Variants in VPS26A observed in about 807,000 individuals in gnomAD.
The protein encoded by VPS26A is vacuolar protein sorting-associated protein 26A.
Under a neutral mutation model 42.4 loss-of-function variants are expected in VPS26A, and 22 were observed. The observed-to-expected ratio is 0.52, with a 90% confidence interval of 0.37 to 0.74. The LOEUF (loss-of-function observed/expected upper bound fraction) is 0.74, where lower values mean the gene tolerates loss of function less well. Ranked by LOEUF, VPS26A falls within the 30% of genes least tolerant of loss-of-function variation. The probability of loss-of-function intolerance (pLI) is 0.00; values close to 1 mark genes in which losing one functional copy is unlikely to be tolerated. For missense variants in VPS26A, 276 were observed against 379.2 expected (o/e 0.73, Z 2.26); for synonymous variants, 110 against 123.5 (o/e 0.89, Z 0.73).
chr10:69,162,977 T>A (rs1177913303), intron 6 of VPS26A, among the ~76,000 whole-genome samples: 2 of 146,034 alleles, frequency 1.4e-5, no homozygotes, highest in African/African-American at 4.9e-5. Flanking sequence ...AATTAGTTAT[T>A]ATGTATACAA....
intron 7 of VPS26A, 145 bp downstream of exon 7, chr10:69,166,255 C>G (rs572994673): frequency 1.4e-6 from 1 of 713,982 alleles, no homozygotes; most frequent in African/African-American, 1.8e-5. Context: ...CTTTGTACAG[C>G]TGCAAAGAAG....
At chr10:69,138,753 T>C (rs1252851070) in intron 2 of VPS26A, among the ~76,000 whole-genome samples, 1 of 152,236 alleles carries the variant, frequency 6.6e-6, no homozygotes, top group African/African-American at 2.4e-5. Context: ...TAACCTCTTA[T>C]GTTACATGTA....
rs946431347 is a variant in VPS26A, at chr10:69,174,090, C to T, written c.*2821C>T. On this transcript the variant is annotated 3_prime_UTR_variant, in exon 9 of 9. Coordinates refer to ENST00000263559, the MANE Select transcript of VPS26A (RefSeq NM_004896.5). ...CCCCCCAGCCAGCAGCGGCAACCGG[C>T]TCGGGTCCCCCTCCATACTGTGGAA... Among the ~76,000 whole-genome samples, 15 of 152,222 alleles carry T rather than the reference C, an allele frequency of 9.9e-5. No homozygotes were observed. The highest frequency in any genetic ancestry group is 3.6e-4 in the African/African-American group (15 of 41,460).
intron 3 of VPS26A, 106 bp from the exon 4 acceptor site, chr10:69,156,901 C>T (rs900012934): frequency 1.9e-6 from 2 of 1,063,506 alleles, no homozygotes; most frequent in African/African-American, 1.6e-5. Flanking sequence ...TAGAGACAAA[C>T]TCAATAATTC....
intron 2 of VPS26A, chr10:69,133,431 T>G: frequency 1.7e-6 from 1 of 587,186 alleles, no homozygotes; most frequent in South Asian, 2.3e-5. Flanking sequence ...AGTTAGAGAT[T>G]GAGAGTAATT....
intron 7 of VPS26A, 124 bp from the exon 8 acceptor site, chr10:69,168,365 T>G (rs1483363274): frequency 1.8e-6 from 2 of 1,083,506 alleles, no homozygotes; most frequent in African/African-American, 3.2e-5. Context: ...AACCCTGGTC[T>G]TTGTTATTTT....
Position 69,174,137 on chromosome 10 carries a change from C to T in VPS26A, c.*2868C>T, listed in dbSNP as rs1007329634. On this transcript the variant is annotated 3_prime_UTR_variant, in exon 9 of 9. Transcript: ENST00000263559. ...GGAAGCTCTGTTCTTTCACTCTTCA[C>T]GATACATCTTGCTGCTGCTCACTCT... 2.0e-4 allele frequency among the ~76,000 whole-genome samples: 31 copies of T among 152,226 alleles called. No individual in the cohort carries two copies. The highest frequency in any genetic ancestry group is 3.4e-4 in the Non-Finnish European group (23 of 68,038).
At position 69,172,277 on chromosome 10, in the gene VPS26A, T is replaced by C. The variant is rs1287096794; in HGVS notation, c.*1008T>C. 6.6e-6 allele frequency: 1 copy of C among 152,202 alleles called. No individual in the cohort carries two copies. Among genetic ancestry groups the C allele is most frequent in the Non-Finnish European group, 1.5e-5 (1 of 68,020 alleles). The allele number at this position is 152,202 out of a possible 1,614,324, so 9.4% of individuals were successfully genotyped here. ...CGAACTTTGGCTAGTTAAACTCATATTGAAACTTCATCTAGTCTCTTAATT... is the reference window on the plus strand; with the variant it reads ...CGAACTTTGGCTAGTTAAACTCATACTGAAACTTCATCTAGTCTCTTAATT... On this transcript the variant is annotated 3_prime_UTR_variant, in exon 9 of 9. Transcript: ENST00000263559.
rs576703903 is a variant in VPS26A at position 69,151,031 on chromosome 10, C to T, written c.154-4781C>T. Among the ~76,000 whole-genome samples, 10 of 151,390 alleles carry T rather than the reference C, an allele frequency of 6.6e-5. No individual in the cohort carries two copies. In the East Asian group the frequency reaches 1.8e-3, roughly 27 times the overall value. ...CTGTAATCCCAGCACTTTGGGAGGC[C>T]GAGGCAGGCAGATCAAGAGGTCAGG... On this transcript the variant is annotated intron_variant, in intron 2 of 8. Transcript: ENST00000263559.
chr10:69,156,345 T>G (rs1204977661), intron 3 of VPS26A, among the ~76,000 whole-genome samples: 1 of 152,062 alleles, frequency 6.6e-6, no homozygotes, highest in African/African-American at 2.4e-5. Context: ...GATCAACTTA[T>G]GTACATTTCC....
rs183608846 is a variant in VPS26A, at chr10:69,174,111, T to C, written c.*2842T>C. Among the ~76,000 whole-genome samples the C allele has an allele frequency of 2.8e-4, 43 of 152,318 alleles. 1 individual carries two copies. The East Asian group carries it at 6.4e-3, about 23-fold the overall frequency. On this transcript the variant is annotated 3_prime_UTR_variant, in exon 9 of 9. Coordinates refer to ENST00000263559, the MANE Select transcript of VPS26A (RefSeq NM_004896.5). ...CCGGCTCGGGTCCCCCTCCATACTG[T>C]GGAAGCTCTGTTCTTTCACTCTTCA... is the stretch of plus-strand genomic sequence containing the variant.
chr10:69,155,361 A>G (rs746013442), intron 2 of VPS26A, among the ~76,000 whole-genome samples: 2 of 152,218 alleles, frequency 1.3e-5, no homozygotes, highest in Admixed American at 6.5e-5. Flanking sequence ...TGTCCATAAT[A>G]TAGTCCTAGT....
At chr10:69,140,321 A>G (rs1439536029) in intron 2 of VPS26A, among the ~76,000 whole-genome samples, 1 of 151,836 alleles carries the variant, frequency 6.6e-6, no homozygotes, top group Non-Finnish European at 1.5e-5. Context: ...TGATCCTCCC[A>G]TCCTGGCCTC....
intron 6 of VPS26A, 144 bp downstream of exon 6, chr10:69,162,656 G>T: frequency 5.8e-5 from 27 of 467,950 alleles, no homozygotes; most frequent in South Asian, 1.8e-4. Flanking sequence ...GTTATTTAAT[G>T]TTTTTTTAAA....
At chr10:69,125,064 G>A (rs1341708270) in intron 1 of VPS26A, among the ~76,000 whole-genome samples, 2 of 152,132 alleles carry the variant, frequency 1.3e-5, no homozygotes, top group African/African-American at 4.8e-5. Context: ...GCAGTCTCTA[G>A]GTTAGATCTC....
At chr10:69,155,492 T>C (rs1353448025) in intron 2 of VPS26A, among the ~76,000 whole-genome samples, 1 of 152,142 alleles carries the variant, frequency 6.6e-6, no homozygotes, top group Non-Finnish European at 1.5e-5. Flanking sequence ...GAATTAACTG[T>C]TTGACCAGAA....
At chr10:69,154,692 A>G (rs377111862) in intron 2 of VPS26A, among the ~76,000 whole-genome samples, 2 of 152,070 alleles carry the variant, frequency 1.3e-5, no homozygotes, top group East Asian at 1.9e-4. Context: ...GTGAGACCTC[A>G]TCTCTACAAA....
At chr10:69,140,484 C>T (rs1375052372) in intron 2 of VPS26A, among the ~76,000 whole-genome samples, 1 of 152,092 alleles carries the variant, frequency 6.6e-6, no homozygotes, top group African/African-American at 2.4e-5. Context: ...GCGATCTTCC[C>T]ATCTCTGCCT....
At chr10:69,160,165 C>G (rs1287148539) in intron 5 of VPS26A, among the ~76,000 whole-genome samples, 3 of 119,382 alleles carry the variant, frequency 2.5e-5, no homozygotes, top group Non-Finnish European at 6.0e-5. Context: ...CACACACACA[C>G]ACAGTTTTTT....
Sources: gnomAD v4.1 joint callset for allele counts (sites outside exome capture counted in the v4.1 genomes callset) on GRCh38, gnomAD v4.1.1 for gene constraint, MANE v1.5 for transcripts, NCBI Gene and HGNC (gene_info 2026-07-23, HGNC 2026-07-21) for gene names.